Variants in TPRG1 observed in about 807,000 individuals in gnomAD.
TPRG1 encodes the protein tumor protein p63-regulated gene 1 protein.
TPRG1 carries 29 observed loss-of-function variants against 29.3 expected under a neutral mutation model. That is an observed-to-expected ratio of 0.99 (90% CI 0.74 to 1.35). The LOEUF (loss-of-function observed/expected upper bound fraction) is 1.35, where lower values mean the gene tolerates loss of function less well. Ranked by LOEUF, TPRG1 falls within the 40% of genes most tolerant of loss-of-function variation. The pLI is 0.00. For synonymous variants in TPRG1, 130 were observed against 116.8 expected (o/e 1.11, Z -0.73); for missense variants, 327 against 335.0 (o/e 0.98, Z 0.19).
intron 4 of TPRG1, among the ~76,000 whole-genome samples, chr3:189,253,126 G>C (rs776023240): frequency 3.9e-5 from 6 of 151,974 alleles, no homozygotes; most frequent in Non-Finnish European, 7.4e-5. Flanking sequence ...TACATGTACC[G>C]TGGTGGTTTG....
intron 2 of TPRG1, among the ~76,000 whole-genome samples, chr3:189,208,644 G>A (rs965667462): frequency 1.3e-5 from 2 of 152,120 alleles, no homozygotes; most frequent in Non-Finnish European, 2.9e-5. Flanking sequence ...GCTTTAGTAG[G>A]TGCGATACTA....
chr3:189,016,261 C>A, intron 3 of TPRG1, among the ~76,000 whole-genome samples: 1 of 151,992 alleles, frequency 6.6e-6, no homozygotes, highest in East Asian at 1.9e-4. Flanking sequence ...TTGCTTGGGG[C>A]CTGTAGCACC....
intron 5 of TPRG1, among the ~76,000 whole-genome samples, chr3:189,154,948 A>G (rs551301626): frequency 3.2e-4 from 49 of 152,336 alleles, no homozygotes; most frequent in African/African-American, 1.0e-3. Context: ...GTCCCTGCTA[A>G]AACAGTGACA....
chr3:189,277,805 T>G (rs767378118), intron 4 of TPRG1, among the ~76,000 whole-genome samples: 2 of 152,226 alleles, frequency 1.3e-5, no homozygotes, highest in Non-Finnish European at 2.9e-5. Context: ...ATCACTATTA[T>G]GTTAGCTGGC....
In TPRG1 at chr3:189,289,871, A is replaced by G. The variant is rs1194868424; in HGVS notation, c.480-20515A>G. Among the ~76,000 whole-genome samples the G allele has an allele frequency of 5.3e-5, 8 of 152,222 alleles. No homozygotes were observed. The South Asian group carries it at 1.7e-3, about 32-fold the overall frequency. ...AATGGGATTACAGAAAATCTCAGGT[A>G]ACAGAGTTGTTATAGCTACTACAAG... On this transcript the variant is annotated intron_variant, in intron 4 of 5. Transcript: ENST00000345063.
At chr3:189,318,766 A>G (rs991889885) in intron 5 of TPRG1, among the ~76,000 whole-genome samples, 1 of 152,076 alleles carries the variant, frequency 6.6e-6, no homozygotes, top group Non-Finnish European at 1.5e-5. Context: ...ATATGTACCC[A>G]CCCAATCTGT....
intron 1 of TPRG1, among the ~76,000 whole-genome samples, chr3:189,198,510 C>T (rs564544257): frequency 3.3e-5 from 5 of 152,318 alleles, no homozygotes; most frequent in East Asian, 1.9e-4. Flanking sequence ...CTTCATTACT[C>T]GGTCCACAAA....
At chr3:189,195,656 C>T (rs1252171165) in intron 1 of TPRG1, among the ~76,000 whole-genome samples, 1 of 152,194 alleles carries the variant, frequency 6.6e-6, no homozygotes, top group African/African-American at 2.4e-5. Context: ...CAGTCAGCTC[C>T]CACAGCTGGG....
intron 3 of TPRG1, among the ~76,000 whole-genome samples, chr3:189,226,394 C>T (rs1051573593): frequency 2.0e-5 from 3 of 151,978 alleles, no homozygotes; most frequent in Admixed American, 2.0e-4. Context: ...TCCAAACACT[C>T]GGAAATTAAA....
At chr3:189,044,274 G>A (rs1714818730) in intron 4 of TPRG1, among the ~76,000 whole-genome samples, 1 of 152,134 alleles carries the variant, frequency 6.6e-6, no homozygotes, top group Admixed American at 6.5e-5. Context: ...AAAAAATGTG[G>A]CCGGGTACGG....
At chr3:189,187,401 G>A (rs1484454742) in intron 1 of TPRG1, among the ~76,000 whole-genome samples, 5 of 152,022 alleles carry the variant, frequency 3.3e-5, no homozygotes, top group Admixed American at 2.6e-4. Context: ...CTGCCTCCTG[G>A]GTTCAAGCGA....
At chr3:189,159,824 C>T (rs1460503479) in intron 5 of TPRG1, among the ~76,000 whole-genome samples, 1 of 126,736 alleles carries the variant, frequency 7.9e-6, no homozygotes, top group African/African-American at 3.0e-5. Flanking sequence ...ATAATGCTTT[C>T]ATGGAGTGTT....
rs34598292 is a variant in TPRG1 at position 189,008,085 on chromosome 3, GAA to G, written c.-660+3335_-660+3336del. Among the ~76,000 whole-genome samples the G allele has an allele frequency of 6.0e-3, 886 of 147,140 alleles. 10 individuals carry two copies. The highest frequency in any genetic ancestry group is 0.039 in the South Asian group (182 of 4,648). On this transcript the variant is annotated intron_variant, in intron 3 of 10. Coordinates refer to the TPRG1 transcript ENST00000433971. ...GAAAGAAAAAAAAAAAAACGTTCTA[GAA>G]AAAAAAAAATGATTCAAGGGATCCT...
intron 4 of TPRG1, among the ~76,000 whole-genome samples, chr3:189,252,047 A>T (rs1348375058): frequency 6.7e-6 from 1 of 148,318 alleles, no homozygotes; most frequent in African/African-American, 2.5e-5. Context: ...GGCCTTCTGC[A>T]GTGTTTGTGT....
At chr3:189,277,536 C>G (rs936087367) in intron 4 of TPRG1, among the ~76,000 whole-genome samples, 2 of 151,690 alleles carry the variant, frequency 1.3e-5, no homozygotes, top group Non-Finnish European at 2.9e-5. Context: ...TCAAGTCTTA[C>G]CAAATCAAAA....
rs542177739 is a variant in TPRG1 at position 189,158,865 on chromosome 3, C to G, written c.-10+7993C>G. 2.6e-5 allele frequency among the ~76,000 whole-genome samples: 4 copies of G among 152,258 alleles called. No homozygotes were observed. In the South Asian group the frequency reaches 6.2e-4, roughly 24 times the overall value. On this transcript the variant is annotated intron_variant, in intron 5 of 6. Coordinates refer to the TPRG1 transcript ENST00000412373. ...AATTTCACCACAGTTGTTTTGCCCACTTGTCTGAAGCTGTCCTCAAAAGTA... is the reference window on the plus strand; with the variant it reads ...AATTTCACCACAGTTGTTTTGCCCAGTTGTCTGAAGCTGTCCTCAAAAGTA...
intron 2 of TPRG1, among the ~76,000 whole-genome samples, chr3:189,003,461 G>C (rs191240627): frequency 6.6e-6 from 1 of 152,100 alleles, no homozygotes; most frequent in Non-Finnish European, 1.5e-5. Context: ...CTTTTACCTA[G>C]GATTCCAGTT....
rs79639801 is a variant in TPRG1, at chr3:189,268,402, T to A, written c.479+29493T>A. The stretch of plus-strand genomic sequence containing the variant: ...ATCCTGTTATTTTTGAGTAATGGAC[T>A]GAACCCAGGTGCCTGATTGGACAGG... On this transcript the variant is annotated intron_variant, in intron 4 of 5. Transcript: ENST00000345063. Among the ~76,000 whole-genome samples, 54 of 152,310 alleles carry A rather than the reference T, an allele frequency of 3.5e-4. No homozygotes were observed. In the East Asian group the frequency reaches 8.9e-3, roughly 25 times the overall value.
intron 4 of TPRG1, 57 bp from the exon 5 acceptor site, chr3:189,310,328 AT>A (rs11425320): frequency 0.035 from 41,048 of 1,163,952 alleles, no homozygotes; most frequent in East Asian, 0.072. Flanking sequence ...ATTACATTCT[AT>A]TTTTTTTTTT....
Sources: gnomAD v4.1 joint callset for allele counts (sites outside exome capture counted in the v4.1 genomes callset) on GRCh38, gnomAD v4.1.1 for gene constraint, MANE v1.5 for transcripts, NCBI Gene and HGNC (gene_info 2026-07-23, HGNC 2026-07-21) for gene names.